The following CTNNA2 variants were observed in gnomAD, a reference collection of about 807,000 sequenced individuals.
CTNNA2 encodes the protein catenin alpha-2.
A neutral mutation model predicts 101.0 loss-of-function variants in CTNNA2; 42 were observed. The observed-to-expected ratio is 0.42, with a 90% CI of 0.32 to 0.54. The LOEUF (loss-of-function observed/expected upper bound fraction) is 0.54, where lower values mean the gene tolerates loss of function less well. Among genes scored for constraint, CTNNA2 ranks in the 20% least tolerant of loss-of-function variants. The pLI is 0.14. For synonymous variants in CTNNA2, 450 were observed against 456.4 expected (o/e 0.99, Z 0.18); for missense variants, 871 against 1,223.1 (o/e 0.71, Z 4.29).
In CTNNA2 at chr2:79,197,367, A is replaced by G. The variant is rs78767553; in HGVS notation, c.-523-592A>G. ...AGCATCTTATGTGATTAGTTTGAAGAGTATTTGGCTTTCCCTGGTTGGACC... is the reference window on the plus strand; with the variant it reads ...AGCATCTTATGTGATTAGTTTGAAGGGTATTTGGCTTTCCCTGGTTGGACC... On this transcript the variant is annotated intron_variant, in intron 1 of 21. Coordinates refer to the CTNNA2 transcript ENST00000466387. 4.9e-3 allele frequency among the ~76,000 whole-genome samples: 746 copies of G among 152,282 alleles called. 5 individuals are homozygous for G. The highest frequency in any genetic ancestry group is 0.017 in the African/African-American group (721 of 41,550).
intron 7 of CTNNA2, among the ~76,000 whole-genome samples, chr2:79,997,108 T>C (rs1341738573): frequency 6.6e-6 from 1 of 152,100 alleles, no homozygotes; most frequent in African/African-American, 2.4e-5. Context: ...TCTTCCTTTA[T>C]AAGTCTCTTG....
chr2:80,350,926 A>G (rs1573804847), intron 7 of CTNNA2, among the ~76,000 whole-genome samples: 1 of 152,288 alleles, frequency 6.6e-6, no homozygotes, highest in Non-Finnish European at 1.5e-5. Flanking sequence ...TCATGTGACA[A>G]TAATTTTTGA....
At chr2:79,610,332 G>A (rs1678184979) in intron 1 of CTNNA2, among the ~76,000 whole-genome samples, 1 of 151,998 alleles carries the variant, frequency 6.6e-6, no homozygotes, top group African/African-American at 2.4e-5. Context: ...AAAATATAGT[G>A]GTAAAAATAC....
At chr2:79,887,209 T>TA (rs371775839) in intron 6 of CTNNA2, among the ~76,000 whole-genome samples, 8 of 152,256 alleles carry the variant, frequency 5.3e-5, no homozygotes, top group African/African-American at 1.9e-4. Flanking sequence ...GGGAGACAGA[T>TA]AAGCGTGAGA....
chr2:79,544,267 G>A (rs780710536), intron 1 of CTNNA2, among the ~76,000 whole-genome samples: 6 of 152,162 alleles, frequency 3.9e-5, no homozygotes, highest in Non-Finnish European at 8.8e-5. Flanking sequence ...TGAATAGTGT[G>A]TAGTTGCAAT....
chr2:80,619,193 G>C lies in CTNNA2; in HGVS notation c.2539G>C (p.Ala847Pro). ...CCACCTCCCAACCTGTGCTGAGGGA[G>C]CTCCGATCGGGAGTGGAAGCAGTGA... ...STHLPTCAEG[A>P]PIGSGSSDSS... The change falls in exon 18 of 19, where the codon GCT becomes CCT. Residue 847 changes from alanine (A) to proline (P), a missense_variant. Transcript: ENST00000402739. 1 of 1,586,500 alleles carries C rather than the reference G, an allele frequency of 6.3e-7. No individual in the cohort carries two copies. The highest frequency in any genetic ancestry group is 8.6e-7 in the Non-Finnish European group (1 of 1,166,132).
intron 4 of CTNNA2, among the ~76,000 whole-genome samples, chr2:79,456,964 G>A (rs1452477470): frequency 6.6e-6 from 1 of 152,138 alleles, no homozygotes; most frequent in African/African-American, 2.4e-5. Context: ...CACTTTGGAA[G>A]GCCGAGGCGG....
chr2:79,486,689 CAACT>C (rs1382880691), intron 4 of CTNNA2, among the ~76,000 whole-genome samples: 5 of 152,150 alleles, frequency 3.3e-5, no homozygotes, highest in Non-Finnish European at 5.9e-5. Context: ...ACAGTCCCAC[CAACT>C]GTGTAAAAAT....
intron 7 of CTNNA2, among the ~76,000 whole-genome samples, chr2:80,179,523 G>A (rs574088351): frequency 2.2e-4 from 34 of 152,140 alleles, no homozygotes; most frequent in South Asian, 8.3e-4. Context: ...ACAGGCACCC[G>A]CCACCACACC....
At position 80,188,944 on chromosome 2, in the gene CTNNA2, C is replaced by CTT. The variant is rs34090029; in HGVS notation, c.1057-204241_1057-204240dup. 9.7e-3 allele frequency among the ~76,000 whole-genome samples: 722 copies of CTT among 74,728 alleles called. 85 individuals carry two copies. The highest frequency in any genetic ancestry group is 0.039 in the African/African-American group (649 of 16,482). 49.0% of individuals were successfully genotyped at this position (74,728 alleles called of 152,430 possible). On this transcript the variant is annotated intron_variant, in intron 7 of 18. Transcript: ENST00000402739. ...CTACTGTGTCCTGTGCAGGTGGTCA[C>CTT]TTTTTTTTTTTTTTTTTTTTTTTTT...
At chr2:80,411,070 G>A (rs1055679019) in intron 8 of CTNNA2, among the ~76,000 whole-genome samples, 4 of 152,178 alleles carry the variant, frequency 2.6e-5, no homozygotes, top group South Asian at 2.1e-4. Context: ...TCAAAGCGTG[G>A]AAAATGGATA....
chr2:79,712,443 A>G (rs1282270778), intron 2 of CTNNA2, among the ~76,000 whole-genome samples: 1 of 152,244 alleles, frequency 6.6e-6, no homozygotes, highest in Non-Finnish European at 1.5e-5. Flanking sequence ...TAAGACTATC[A>G]GAGTAATGTA....
At chr2:80,232,345 G>GTTTGTTTTTTTTTTTTT (rs1709286406) in intron 7 of CTNNA2, among the ~76,000 whole-genome samples, 2 of 64,824 alleles carry the variant, frequency 3.1e-5, no homozygotes, top group African/African-American at 8.8e-5. Flanking sequence ...TTGTTTGTTT[G>GTTTGTTTTTTTTTTTTT]TTTTTTTTTT....
intron 1 of CTNNA2, among the ~76,000 whole-genome samples, chr2:79,552,080 A>C (rs1018084526): frequency 6.6e-6 from 1 of 152,162 alleles, no homozygotes; most frequent in Non-Finnish European, 1.5e-5. Flanking sequence ...CACAGTCCAA[A>C]GTCTCACTTG....
At chr2:79,888,596 C>CT (rs958615442) in intron 6 of CTNNA2, among the ~76,000 whole-genome samples, 13 of 152,046 alleles carry the variant, frequency 8.6e-5, no homozygotes, top group African/African-American at 3.1e-4. Flanking sequence ...ATTTGAAGTA[C>CT]TTTTTTTTAT....
At chr2:80,540,538 A>G (rs1030030520) in intron 9 of CTNNA2, among the ~76,000 whole-genome samples, 9 of 151,466 alleles carry the variant, frequency 5.9e-5, no homozygotes, top group African/African-American at 2.2e-4. Flanking sequence ...TGGAGGTTAC[A>G]GTGAGCTGAG....
At chr2:79,219,353 G>A (rs1464446196) in intron 2 of CTNNA2, among the ~76,000 whole-genome samples, 1 of 152,098 alleles carries the variant, frequency 6.6e-6, no homozygotes, top group African/African-American at 2.4e-5. Context: ...TGTGAAAATG[G>A]AAATGTTTTA....
intron 2 of CTNNA2, among the ~76,000 whole-genome samples, chr2:79,241,796 G>C (rs544414728): frequency 6.6e-6 from 1 of 152,248 alleles, no homozygotes; most frequent in South Asian, 2.1e-4. Context: ...TTTTACATAG[G>C]GTGGAGAATT....
At chr2:79,748,104 C>A in intron 3 of CTNNA2, among the ~76,000 whole-genome samples, 2 of 152,336 alleles carry the variant, frequency 1.3e-5, no homozygotes, top group South Asian at 4.1e-4. Context: ...AAGCTCTTAT[C>A]TCCATTCTTT....
Sources: allele counts gnomAD v4.1 joint callset (sites outside exome capture counted in the v4.1 genomes callset), GRCh38; gene constraint gnomAD v4.1.1; transcripts MANE v1.5; gene names NCBI Gene and HGNC (gene_info 2026-07-23, HGNC 2026-07-21).